Variants in ANKS1B observed in about 807,000 individuals in gnomAD.
ANKS1B encodes ankyrin repeat and sterile alpha motif domain containing 1B.
Under a neutral mutation model 148.3 loss-of-function variants are expected in ANKS1B, and 36 were observed. That is an observed-to-expected ratio of 0.24 (90% confidence interval 0.19 to 0.32). ANKS1B has a LOEUF of 0.32. Among genes scored for constraint, ANKS1B ranks in the 10% least tolerant of loss-of-function variants. The pLI, the probability that ANKS1B is intolerant of heterozygous loss-of-function variation, is 1.00. For missense variants in ANKS1B, 1,157 were observed against 1,542.6 expected (o/e 0.75, Z 4.19); for synonymous variants, 542 against 560.8 (o/e 0.97, Z 0.47).
rs2094561826 is a variant in ANKS1B, at chr12:99,407,561, G to A, written c.1576-7750C>T. On this transcript the variant is annotated intron_variant, in intron 11 of 26. Transcript: ENST00000683438. ...AATAAAGGGCATCCAAGTTGAAAAG[G>A]AAGAATTTGAATTAGCCTTTCAAAA... Among the ~76,000 whole-genome samples, 2 of 145,516 alleles carry A rather than the reference G, an allele frequency of 1.4e-5. 1 individual carries two copies.
chr12:99,773,580 C>A (rs2063388129), intron 7 of ANKS1B, among the ~76,000 whole-genome samples: 1 of 151,730 alleles, frequency 6.6e-6, no homozygotes, highest in African/African-American at 2.4e-5. Flanking sequence ...AGTAAAAACA[C>A]AAAAGAAACA....
intron 22 of ANKS1B, chr12:98,795,731 C>A (rs1245244541): frequency 1.4e-5 from 6 of 429,220 alleles, no homozygotes; most frequent in Admixed American, 1.1e-4. Context: ...GTTCCTGGCA[C>A]ATTGGAGAGG....
intron 17 of ANKS1B, among the ~76,000 whole-genome samples, chr12:99,009,788 T>C (rs2099938195): frequency 6.6e-6 from 1 of 151,504 alleles, no homozygotes. Context: ...ATTAGCTCCC[T>C]GGTTCTTAAA....
rs559748884 is a variant in ANKS1B at position 99,511,783 on chromosome 12, G to A, written c.1273-7142C>T. Among the ~76,000 whole-genome samples, 28 of 151,950 alleles carry A rather than the reference G, an allele frequency of 1.8e-4. No individual in the cohort carries two copies. In the South Asian group the frequency reaches 3.3e-3, roughly 18 times the overall value. ...ACACATCTACAACAATCTGATCTTC[G>A]ACAAACCTGACAAAAACAAGCAATG... On this transcript the variant is annotated intron_variant, in intron 9 of 26. Coordinates refer to ENST00000683438, the MANE Select transcript of ANKS1B (RefSeq NM_001352186.2).
At chr12:99,016,453 C>T (rs771881383) in intron 17 of ANKS1B, among the ~76,000 whole-genome samples, 1 of 152,128 alleles carries the variant, frequency 6.6e-6, no homozygotes, top group Admixed American at 6.6e-5. Flanking sequence ...ATCAGAAGTT[C>T]GAGACCAGCC....
intron 17 of ANKS1B, among the ~76,000 whole-genome samples, chr12:98,993,641 G>A (rs1466991109): frequency 1.3e-5 from 2 of 152,124 alleles, no homozygotes; most frequent in East Asian, 1.9e-4. Context: ...AGCGGCTTTC[G>A]AAAATACTCC....
chr12:99,513,908 A>T (rs1470454063), intron 9 of ANKS1B, among the ~76,000 whole-genome samples: 2 of 152,160 alleles, frequency 1.3e-5, no homozygotes, highest in East Asian at 3.9e-4. Flanking sequence ...ATTTATTTTC[A>T]TCATAACTTT....
intron 12 of ANKS1B, among the ~76,000 whole-genome samples, chr12:99,365,483 C>A (rs978645182): frequency 2.0e-5 from 3 of 152,120 alleles, no homozygotes; most frequent in Admixed American, 6.5e-5. Flanking sequence ...AGGGTGTGAG[C>A]CCCAGAGTTC....
intron 15 of ANKS1B, among the ~76,000 whole-genome samples, chr12:99,086,430 G>A (rs536071614): frequency 1.9e-3 from 289 of 152,282 alleles, no homozygotes; most frequent in Non-Finnish European, 2.7e-3. Context: ...AGACCATACA[G>A]ATATTGCATG....
chr12:99,852,734 G>C (rs2088153185), intron 1 of ANKS1B, among the ~76,000 whole-genome samples: 1 of 152,200 alleles, frequency 6.6e-6, no homozygotes, highest in Non-Finnish European at 1.5e-5. Context: ...TGAAGAAGGT[G>C]GATTGGCACC....
chr12:99,655,465 T>C (rs2153446021), intron 8 of ANKS1B, among the ~76,000 whole-genome samples: 1 of 152,246 alleles, frequency 6.6e-6, no homozygotes, highest in Admixed American at 6.5e-5. Context: ...TAGAACATGA[T>C]AATGGCCTAA....
intron 16 of ANKS1B, among the ~76,000 whole-genome samples, chr12:99,078,738 T>C (rs903431779): frequency 2.0e-5 from 3 of 152,124 alleles, no homozygotes; most frequent in Admixed American, 6.6e-5. Context: ...ACTTCTAAGA[T>C]GTACCCCACC....
intron 4 of ANKS1B, among the ~76,000 whole-genome samples, chr12:99,792,672 T>A (rs1359116349): frequency 1.3e-5 from 2 of 150,574 alleles, no homozygotes; most frequent in Admixed American, 6.6e-5. Context: ...CTTCCTGTTT[T>A]AAAAAAAAAT....
intron 11 of ANKS1B, among the ~76,000 whole-genome samples, chr12:99,438,070 T>C (rs1235757945): frequency 6.6e-6 from 1 of 151,938 alleles, no homozygotes; most frequent in East Asian, 1.9e-4. Flanking sequence ...AAAATTTTTT[T>C]TCTTTATATC....
At chr12:99,092,549 A>C (rs2054415358) in intron 15 of ANKS1B, among the ~76,000 whole-genome samples, 1 of 151,968 alleles carries the variant, frequency 6.6e-6, no homozygotes, top group Non-Finnish European at 1.5e-5. Flanking sequence ...TCTTCTGTCT[A>C]ATATGCTGAA....
intron 15 of ANKS1B, among the ~76,000 whole-genome samples, chr12:99,121,978 G>C (rs968508274): frequency 6.6e-6 from 1 of 152,126 alleles, no homozygotes. Context: ...AAGCACTCTG[G>C]ATTCTGCAGG....
intron 10 of ANKS1B, among the ~76,000 whole-genome samples, chr12:99,490,806 T>C (rs892657353): frequency 6.6e-6 from 1 of 152,232 alleles, no homozygotes; most frequent in Non-Finnish European, 1.5e-5. Flanking sequence ...CTTCATATAA[T>C]ACTAAATGAA....
intron 1 of ANKS1B, among the ~76,000 whole-genome samples, chr12:99,846,396 C>G (rs966673266): frequency 2.6e-5 from 4 of 152,020 alleles, no homozygotes; most frequent in Admixed American, 2.0e-4. Flanking sequence ...ATATATTAAA[C>G]CTACATTTCT....
chr12:98,911,261 T>C (rs1211764977), intron 17 of ANKS1B, among the ~76,000 whole-genome samples: 1 of 152,138 alleles, frequency 6.6e-6, no homozygotes, highest in Non-Finnish European at 1.5e-5. Context: ...TGTCATTGCA[T>C]TTGTAGAATC....
Sources: allele counts gnomAD v4.1 joint callset (sites outside exome capture counted in the v4.1 genomes callset), GRCh38; gene constraint gnomAD v4.1.1; transcripts MANE v1.5; gene names NCBI Gene and HGNC (gene_info 2026-07-23, HGNC 2026-07-21).